SUGCT: variants seen among roughly 807,000 people sequenced by gnomAD.
The protein encoded by SUGCT is succinyl-CoA:glutarate-CoA transferase, also known as succinyl-CoA:glutarate CoA-transferase.
SUGCT carries 41 observed loss-of-function variants against 55.0 expected under a neutral mutation model. That is an observed-to-expected ratio of 0.74 (90% confidence interval 0.58 to 0.97). The LOEUF is 0.97. Ranked by LOEUF, SUGCT falls within the 50% of genes least tolerant of loss-of-function variation. The pLI is 0.00. For synonymous variants in SUGCT, 187 were observed against 200.4 expected (o/e 0.93, Z 0.56); for missense variants, 568 against 547.8 (o/e 1.04, Z -0.37).
the SUGCT span, among the ~76,000 whole-genome samples, chr7:40,890,890 A>C: frequency 6.6e-5 from 10 of 152,226 alleles, no homozygotes; most frequent in African/African-American, 2.4e-4. Flanking sequence ...GTGAGATACA[A>C]ATGAATACTG....
At chr7:40,575,874 G>C (rs570047631) in intron 12 of SUGCT, among the ~76,000 whole-genome samples, 2 of 151,822 alleles carry the variant, frequency 1.3e-5, no homozygotes, top group African/African-American at 4.8e-5. Context: ...GAACCAGGAG[G>C]GGGAGGTTGC....
intron 9 of SUGCT, among the ~76,000 whole-genome samples, chr7:40,390,295 C>G (rs529830849): frequency 1.3e-5 from 2 of 152,046 alleles, no homozygotes. Context: ...GGCAATCAGG[C>G]AAGAGAAAGA....
chr7:40,854,466 TTCTTTCTTTC>T (rs1425634974), intron 13 of SUGCT, among the ~76,000 whole-genome samples: 5 of 144,678 alleles, frequency 3.5e-5, no homozygotes, highest in South Asian at 2.2e-4. Flanking sequence ...CTTTCTTTCT[TTCTTTCTTTC>T]TCTTTCTCTC....
chr7:40,635,222 G>A (rs909686973), intron 12 of SUGCT, among the ~76,000 whole-genome samples: 7 of 151,942 alleles, frequency 4.6e-5, no homozygotes, highest in African/African-American at 1.7e-4. Flanking sequence ...GGAGGCAAAG[G>A]TTGCAGTGAG....
intron 12 of SUGCT, among the ~76,000 whole-genome samples, chr7:40,664,702 T>C (rs1801511989): frequency 6.6e-6 from 1 of 152,170 alleles, no homozygotes; most frequent in South Asian, 2.1e-4. Flanking sequence ...TTTCTGGAGC[T>C]GGGCACGGTG....
chr7:40,335,589 C>G (rs1796639668), intron 9 of SUGCT, among the ~76,000 whole-genome samples: 1 of 152,140 alleles, frequency 6.6e-6, no homozygotes, highest in Non-Finnish European at 1.5e-5. Context: ...AATTTTTGCA[C>G]ATTGATTTTG....
chr7:40,339,587 C>T (rs953123978), intron 9 of SUGCT, among the ~76,000 whole-genome samples: 1 of 152,180 alleles, frequency 6.6e-6, no homozygotes, highest in Non-Finnish European at 1.5e-5. Flanking sequence ...TTGCTAAGAC[C>T]ATTGGAGAAG....
intron 8 of SUGCT, among the ~76,000 whole-genome samples, chr7:40,314,344 T>A (rs1481853602): frequency 6.6e-6 from 1 of 152,202 alleles, no homozygotes; most frequent in Non-Finnish European, 1.5e-5. Context: ...GATTGACTAC[T>A]TGCACAGAAT....
chr7:40,294,348 A>G (rs1297872750), intron 8 of SUGCT, among the ~76,000 whole-genome samples: 4 of 152,208 alleles, frequency 2.6e-5, no homozygotes, highest in Non-Finnish European at 4.4e-5. Flanking sequence ...TTACCTGTGT[A>G]ACTGGTAGTC....
intron 11 of SUGCT, among the ~76,000 whole-genome samples, chr7:40,489,329 A>G (rs553955242): frequency 2.0e-4 from 30 of 151,064 alleles, no homozygotes; most frequent in African/African-American, 6.1e-4. Context: ...TTTCTCTGTT[A>G]CATTTCTCTG....
intron 13 of SUGCT, among the ~76,000 whole-genome samples, chr7:40,847,750 C>G (rs1422514143): frequency 6.6e-6 from 1 of 152,060 alleles, no homozygotes; most frequent in South Asian, 2.1e-4. Flanking sequence ...TGGGCTCACA[C>G]AGTTTTACCC....
intron 12 of SUGCT, among the ~76,000 whole-genome samples, chr7:40,686,005 A>G (rs1238069491): frequency 1.3e-5 from 2 of 152,184 alleles, no homozygotes; most frequent in African/African-American, 4.8e-5. Context: ...CTGTAATTCT[A>G]TTTTATAGCT....
At chr7:40,322,150 A>G (rs149128141) in intron 9 of SUGCT, among the ~76,000 whole-genome samples, 137 of 152,292 alleles carry the variant, frequency 9.0e-4, no homozygotes, top group African/African-American at 3.2e-3. Flanking sequence ...GTCTTACAAC[A>G]GGAGGCCTCA....
chr7:40,896,596 C>T, the SUGCT span, among the ~76,000 whole-genome samples: 6 of 152,104 alleles, frequency 3.9e-5, no homozygotes, highest in African/African-American at 7.2e-5. Context: ...CCCTTTTGCT[C>T]GGCACTTCTC....
At chr7:40,334,979 G>A (rs182305160) in intron 9 of SUGCT, among the ~76,000 whole-genome samples, 1,786 of 152,022 alleles carry the variant, frequency 0.012, 23 homozygotes, top group African/African-American at 0.041. Flanking sequence ...ATGGCTAGCC[G>A]GTTTTCCCAG....
the SUGCT span, chr7:40,966,115 G>GT: frequency 6.6e-6 from 1 of 152,182 alleles, no homozygotes; most frequent in Non-Finnish European, 1.5e-5. Flanking sequence ...TAAGACAAAG[G>GT]TTGAACATGT....
intron 1 of SUGCT, among the ~76,000 whole-genome samples, chr7:40,165,603 T>C (rs1421109067): frequency 6.6e-6 from 1 of 152,206 alleles, no homozygotes; most frequent in African/African-American, 2.4e-5. Context: ...GTTTCATGCC[T>C]TGTAATCATC....
At chr7:40,924,511 C>T in the SUGCT span, among the ~76,000 whole-genome samples, 4 of 152,180 alleles carry the variant, frequency 2.6e-5, no homozygotes, top group African/African-American at 9.7e-5. Context: ...GTCTTGGCCT[C>T]TGAAGGTGCT....
chr7:40,725,202 T>A (rs558594969), intron 12 of SUGCT, among the ~76,000 whole-genome samples: 1 of 152,330 alleles, frequency 6.6e-6, no homozygotes, highest in South Asian at 2.1e-4. Flanking sequence ...AGCATCAGCA[T>A]CACCTGTAGT....
Sources: allele counts gnomAD v4.1 joint callset (sites outside exome capture counted in the v4.1 genomes callset), GRCh38; gene constraint gnomAD v4.1.1; transcripts MANE v1.5; gene names NCBI Gene and HGNC (gene_info 2026-07-23, HGNC 2026-07-21).